Variants in CCDC102B observed in about 807,000 individuals in gnomAD.
The protein encoded by CCDC102B is coiled-coil domain-containing protein 102B.
In CCDC102B, 75 loss-of-function variants were observed where a neutral mutation model predicts 57.4. The ratio of observed to expected loss-of-function variants is 1.31; its 90% CI spans 1.08 to 1.58. CCDC102B has a LOEUF of 1.58. Ranked by LOEUF, CCDC102B falls within the 40% of genes most tolerant of loss-of-function variation. The pLI, the probability that CCDC102B is intolerant of heterozygous loss-of-function variation, is 0.00. For missense variants in CCDC102B, 636 were observed against 582.6 expected (o/e 1.09, Z -0.94); for synonymous variants, 206 against 201.9 (o/e 1.02, Z -0.17).
At chr18:68,793,382 T>C (rs1386353778), upstream of CCDC102B, among the ~76,000 whole-genome samples, 1 of 152,174 alleles carries the variant, frequency 6.6e-6, no homozygotes, top group Non-Finnish European at 1.5e-5. Context: ...TTTAAAAAAG[T>C]TTGTCGATGA....
intron 6 of CCDC102B, among the ~76,000 whole-genome samples, chr18:68,913,667 A>AAC (rs949228786): frequency 3.3e-5 from 5 of 151,448 alleles, no homozygotes; most frequent in East Asian, 1.9e-4. Context: ...AAGAAAAAAA[A>AAC]AAAAGCAAAA....
At chr18:68,895,008 A>G (rs2040196411) in intron 5 of CCDC102B, among the ~76,000 whole-genome samples, 1 of 151,882 alleles carries the variant, frequency 6.6e-6, no homozygotes, top group South Asian at 2.1e-4. Context: ...CCAAAAATAC[A>G]TTTGCTCTCC....
chr18:68,830,117 T>C (rs1223768829), intron 1 of CCDC102B, among the ~76,000 whole-genome samples: 1 of 151,988 alleles, frequency 6.6e-6, no homozygotes, highest in Non-Finnish European at 1.5e-5. Context: ...TTTAACATTT[T>C]AGCATTTCCG....
intron 1 of CCDC102B, among the ~76,000 whole-genome samples, chr18:68,802,344 T>A (rs1334861818): frequency 2.0e-5 from 3 of 152,208 alleles, no homozygotes; most frequent in Non-Finnish European, 2.9e-5. Context: ...GAAACTTAAG[T>A]TATAGAATTT....
chr18:69,033,581 C>A (rs2145449998), intron 7 of CCDC102B, among the ~76,000 whole-genome samples: 1 of 152,136 alleles, frequency 6.6e-6, no homozygotes. Context: ...ATTTAACATA[C>A]TGTTTTCAAA....
In CCDC102B at chr18:68,869,191, G is replaced by C. The variant is rs78311459; in HGVS notation, c.937-5478G>C. On this transcript the variant is annotated intron_variant, in intron 4 of 7. Coordinates refer to ENST00000360242, the MANE Select transcript of CCDC102B (RefSeq NM_024781.3). The stretch of plus-strand genomic sequence containing the variant: ...ATTTTGGATTTATGAATGTAGAAAG[G>C]AAAGTTGAACAATGAGCAGAGAGAT... Among the ~76,000 whole-genome samples, 659 of 152,276 alleles carry C rather than the reference G, an allele frequency of 4.3e-3. 4 individuals are homozygous for C. The highest frequency in any genetic ancestry group is 0.015 in the African/African-American group (619 of 41,558).
chr18:68,982,365 T>C (rs2050611093), intron 6 of CCDC102B, among the ~76,000 whole-genome samples: 1 of 152,002 alleles, frequency 6.6e-6, no homozygotes, highest in Non-Finnish European at 1.5e-5. Flanking sequence ...TCATCCCCAC[T>C]CTACCCTTAA....
chr18:68,777,682 T>A (rs1371615638), intron 2 of CCDC102B, among the ~76,000 whole-genome samples: 2 of 152,106 alleles, frequency 1.3e-5, no homozygotes, highest in Non-Finnish European at 2.9e-5. Context: ...AATGATAAGC[T>A]ATTCAAGTAA....
intron 6 of CCDC102B, among the ~76,000 whole-genome samples, chr18:68,949,644 G>A (rs1238919476): frequency 2.0e-5 from 3 of 151,984 alleles, no homozygotes; most frequent in Admixed American, 6.6e-5. Flanking sequence ...ACAAAGGAAC[G>A]ATTTTCCTAT....
intron 1 of CCDC102B, among the ~76,000 whole-genome samples, chr18:68,816,529 G>T (rs189710388): frequency 2.9e-5 from 4 of 137,014 alleles, no homozygotes; most frequent in African/African-American, 1.1e-4. Flanking sequence ...GCAAAGGCAC[G>T]ATCTGGGCTC....
At chr18:68,792,375 A>G (rs1422773291) in intron 2 of CCDC102B, among the ~76,000 whole-genome samples, 1 of 152,214 alleles carries the variant, frequency 6.6e-6, no homozygotes, top group Non-Finnish European at 1.5e-5. Context: ...AAACAAGACC[A>G]TGACCATAAA....
chr18:68,823,784 G>A (rs1215855325), intron 1 of CCDC102B, among the ~76,000 whole-genome samples: 1 of 152,000 alleles, frequency 6.6e-6, no homozygotes, highest in African/African-American at 2.4e-5. Context: ...TTGTGGTTTC[G>A]ATTTGTATTT....
At chr18:69,047,293 A>G (rs2885733) in intron 7 of CCDC102B, among the ~76,000 whole-genome samples, 150,656 of 152,186 alleles carry the variant, frequency 0.99, 74,593 homozygotes, top group East Asian at 1. Context: ...CAAAAACCAC[A>G]TGATTATCTC....
intron 6 of CCDC102B, among the ~76,000 whole-genome samples, chr18:68,987,451 A>C (rs1379277717): frequency 2.0e-5 from 3 of 152,176 alleles, no homozygotes; most frequent in Non-Finnish European, 4.4e-5. Context: ...AAACTATGAA[A>C]TTCCTAGAAA....
At chr18:68,929,079 G>A (rs2041577422) in intron 6 of CCDC102B, among the ~76,000 whole-genome samples, 1 of 151,864 alleles carries the variant, frequency 6.6e-6, no homozygotes, top group East Asian at 1.9e-4. Context: ...ACTCGTCATA[G>A]CTAAAAGTCA....
chr18:68,861,224 G>A (rs1387079836), intron 4 of CCDC102B, among the ~76,000 whole-genome samples: 4 of 151,766 alleles, frequency 2.6e-5, no homozygotes, highest in Non-Finnish European at 5.9e-5. Context: ...AAGCTAAGAG[G>A]AACATTATGG....
intron 5 of CCDC102B, among the ~76,000 whole-genome samples, chr18:68,883,673 T>C (rs1448167832): frequency 6.6e-6 from 1 of 152,212 alleles, no homozygotes; most frequent in Non-Finnish European, 1.5e-5. Context: ...GACTAATTAC[T>C]GTCAACAGGG....
At chr18:69,010,262 A>G (rs565114096) in intron 6 of CCDC102B, among the ~76,000 whole-genome samples, 73 of 151,940 alleles carry the variant, frequency 4.8e-4, no homozygotes, top group Non-Finnish European at 8.5e-4. Flanking sequence ...CGTTTTCTAT[A>G]ATGATAGTAC....
intron 2 of CCDC102B, among the ~76,000 whole-genome samples, chr18:68,784,873 T>C (rs888153988): frequency 3.3e-5 from 5 of 151,994 alleles, no homozygotes; most frequent in African/African-American, 1.2e-4. Flanking sequence ...CTTGTGCACA[T>C]TGTGCAGGAT....
Sources: allele counts gnomAD v4.1 joint callset (sites outside exome capture counted in the v4.1 genomes callset), GRCh38; gene constraint gnomAD v4.1.1; transcripts MANE v1.5; gene names NCBI Gene and HGNC (gene_info 2026-07-23, HGNC 2026-07-21).